Variants in KCNQ5 observed in about 807,000 individuals in gnomAD.
KCNQ5 encodes the protein potassium voltage-gated channel subfamily Q member 5.
A neutral mutation model predicts 98.2 loss-of-function variants in KCNQ5; 30 were observed. The observed-to-expected ratio is 0.31, with a 90% CI of 0.23 to 0.41. KCNQ5 has a LOEUF of 0.41. Among genes scored for constraint, KCNQ5 ranks in the 10% least tolerant of loss-of-function variants. KCNQ5 has a pLI of 1.00. For missense variants in KCNQ5, 835 were observed against 1,182.5 expected, an observed-to-expected ratio of 0.71 and a Z score of 4.31; for synonymous variants, 458 against 449.4, an observed-to-expected ratio of 1.02 and a Z score of -0.24.
chr6:72,882,992 C>A (rs571310606), intron 1 of KCNQ5, among the ~76,000 whole-genome samples: 7 of 152,246 alleles, frequency 4.6e-5, no homozygotes, highest in African/African-American at 1.7e-4. Flanking sequence ...TTTAATGTGA[C>A]TAACAAGTTA....
intron 1 of KCNQ5, chr6:72,987,821 GT>G (rs34483022): frequency 7.9e-5 from 28 of 355,544 alleles, no homozygotes; most frequent in South Asian, 2.1e-4. Context: ...GAGATTACAA[GT>G]TTTTTTTGGT....
At chr6:73,127,242 C>T (rs1469503857) in intron 9 of KCNQ5, among the ~76,000 whole-genome samples, 1 of 152,104 alleles carries the variant, frequency 6.6e-6, no homozygotes, top group African/African-American at 2.4e-5. Flanking sequence ...TTAATTAATG[C>T]TTGACCCCAT....
At chr6:72,776,432 C>G (rs1773164997) in intron 1 of KCNQ5, among the ~76,000 whole-genome samples, 1 of 152,150 alleles carries the variant, frequency 6.6e-6, no homozygotes, top group Non-Finnish European at 1.5e-5. Context: ...AAGTTCAACT[C>G]TTTATATATC....
chr6:72,749,483 T>G (rs1201517765), intron 1 of KCNQ5, among the ~76,000 whole-genome samples: 1 of 152,070 alleles, frequency 6.6e-6, no homozygotes, highest in Admixed American at 6.6e-5. Context: ...TTCTCAGACT[T>G]TAATTCAGGT....
At chr6:72,674,561 A>G (rs1767309338) in intron 1 of KCNQ5, among the ~76,000 whole-genome samples, 2 of 152,146 alleles carry the variant, frequency 1.3e-5, no homozygotes, top group Non-Finnish European at 2.9e-5. Context: ...ACTTGAGCTC[A>G]GGGCTCGTGA....
chr6:72,819,865 C>A (rs1429321444), intron 1 of KCNQ5, among the ~76,000 whole-genome samples: 1 of 152,224 alleles, frequency 6.6e-6, no homozygotes, highest in Non-Finnish European at 1.5e-5. Context: ...CCTATTGCCA[C>A]TTCCTTGGCA....
At chr6:73,072,473 G>C (rs1181454655) in intron 3 of KCNQ5, among the ~76,000 whole-genome samples, 1 of 152,174 alleles carries the variant, frequency 6.6e-6, no homozygotes, top group Non-Finnish European at 1.5e-5. Flanking sequence ...CAATCCTTGA[G>C]TTCACAATAG....
At chr6:73,179,944 C>A (rs1020413081) in intron 11 of KCNQ5, among the ~76,000 whole-genome samples, 1 of 152,134 alleles carries the variant, frequency 6.6e-6, no homozygotes, top group Non-Finnish European at 1.5e-5. Context: ...ATTGCTGTAT[C>A]CCTGGCATCT....
intron 1 of KCNQ5, among the ~76,000 whole-genome samples, chr6:72,982,038 G>T (rs1388379184): frequency 3.3e-5 from 5 of 152,138 alleles, no homozygotes; most frequent in Non-Finnish European, 7.3e-5. Flanking sequence ...TGTGATTTCT[G>T]TCCTTTTACA....
chr6:72,704,069 G>T (rs997958356), intron 1 of KCNQ5, among the ~76,000 whole-genome samples: 1 of 152,082 alleles, frequency 6.6e-6, no homozygotes, highest in African/African-American at 2.4e-5. Context: ...TGCATTTAAC[G>T]TAGGTGTTAA....
At chr6:72,952,498 G>T (rs111599726) in intron 1 of KCNQ5, among the ~76,000 whole-genome samples, 2 of 152,126 alleles carry the variant, frequency 1.3e-5, no homozygotes, top group African/African-American at 4.8e-5. Context: ...TCTTGCCACT[G>T]TGTTAAGAAG....
At chr6:73,149,484 C>A (rs1368147535) in intron 10 of KCNQ5, among the ~76,000 whole-genome samples, 1 of 152,062 alleles carries the variant, frequency 6.6e-6, no homozygotes, top group Non-Finnish European at 1.5e-5. Context: ...GGCTTGACAA[C>A]AAAGGCACTA....
At chr6:73,177,440 T>C (rs908837097) in intron 11 of KCNQ5, among the ~76,000 whole-genome samples, 1 of 152,094 alleles carries the variant, frequency 6.6e-6, no homozygotes, top group Admixed American at 6.6e-5. Flanking sequence ...TTACCCTGGG[T>C]TGGGTGATAA....
At chr6:72,779,195 C>T (rs1326794969) in intron 1 of KCNQ5, among the ~76,000 whole-genome samples, 1 of 152,088 alleles carries the variant, frequency 6.6e-6, no homozygotes, top group Non-Finnish European at 1.5e-5. Context: ...GGGAAGGATG[C>T]CCCCCTAGAA....
chr6:72,891,733 C>G (rs1276093767), intron 1 of KCNQ5, among the ~76,000 whole-genome samples: 2 of 152,086 alleles, frequency 1.3e-5, no homozygotes, highest in South Asian at 4.1e-4. Context: ...AATATATAAA[C>G]ATATACTGAT....
chr6:73,018,521 A>T (rs1316798339), intron 2 of KCNQ5, among the ~76,000 whole-genome samples: 1 of 151,976 alleles, frequency 6.6e-6, no homozygotes, highest in East Asian at 1.9e-4. Flanking sequence ...TGAGCTGTTC[A>T]TTGATTCATT....
intron 3 of KCNQ5, among the ~76,000 whole-genome samples, chr6:73,072,056 A>T (rs1334349503): frequency 6.6e-6 from 1 of 152,200 alleles, no homozygotes; most frequent in Non-Finnish European, 1.5e-5. Context: ...ATAAACATCA[A>T]GAACATTGTA....
intron 1 of KCNQ5, chr6:72,987,521 C>A: frequency 1.5e-6 from 1 of 658,570 alleles, no homozygotes; most frequent in South Asian, 1.4e-5. Flanking sequence ...CTTCGTTCAG[C>A]CGCCACCCCC....
chr6:72,633,803 A>G (rs1197920367), intron 1 of KCNQ5, among the ~76,000 whole-genome samples: 1 of 152,236 alleles, frequency 6.6e-6, no homozygotes. Flanking sequence ...CCAGTTCAAT[A>G]AATGGTGCTG....
Sources: gnomAD v4.1 joint callset for allele counts (sites outside exome capture counted in the v4.1 genomes callset) on GRCh38, gnomAD v4.1.1 for gene constraint, MANE v1.5 for transcripts, NCBI Gene and HGNC (gene_info 2026-07-23, HGNC 2026-07-21) for gene names.